The following DENND5B variants were observed in gnomAD, a reference collection of about 807,000 sequenced individuals.
DENND5B encodes the protein DENN domain containing 5B, also known as DENN domain-containing protein 5B.
A neutral mutation model predicts 140.6 loss-of-function variants in DENND5B; 34 were observed. That is an observed-to-expected ratio of 0.24 (90% CI 0.18 to 0.32). The LOEUF is 0.32. Among genes scored for constraint, DENND5B ranks in the 10% least tolerant of loss-of-function variants. The pLI, the probability that DENND5B is intolerant of heterozygous loss-of-function variation, is 1.00. For synonymous variants in DENND5B, 551 were observed against 562.1 expected (o/e 0.98, Z 0.28); for missense variants, 1,142 against 1,560.2 (o/e 0.73, Z 4.52).
intron 1 of DENND5B, among the ~76,000 whole-genome samples, chr12:31,498,933 A>AC (rs1946890691): frequency 7.2e-6 from 1 of 139,240 alleles, no homozygotes; most frequent in Admixed American, 8.4e-5. Flanking sequence ...AGATCACACC[A>AC]CCGCACTCTA....
intron 1 of DENND5B, among the ~76,000 whole-genome samples, chr12:31,565,327 G>C (rs942901686): frequency 1.3e-4 from 20 of 152,226 alleles, no homozygotes; most frequent in Non-Finnish European, 2.8e-4. Flanking sequence ...CCAGGAGGCA[G>C]AGGTTGCAGT....
At chr12:31,588,970 TCA>T (rs1950499263) in intron 1 of DENND5B, among the ~76,000 whole-genome samples, 1 of 150,154 alleles carries the variant, frequency 6.7e-6, no homozygotes, top group African/African-American at 2.5e-5. Flanking sequence ...AAAAGAGACA[TCA>T]TAGTTTGTTT....
In DENND5B at chr12:31,387,159, T is replaced by C. The variant is rs1940889356; in HGVS notation, c.*444A>G. ...ATCAGACTCCAAGATGGATGGCTAC[T>C]ACATAACAATGCATTCTGGGTTTCT... On this transcript the variant is annotated 3_prime_UTR_variant, in exon 21 of 21. Transcript: ENST00000389082. The C allele has an allele frequency of 6.4e-6, 1 of 155,230 alleles. No individual in the cohort carries two copies. The allele number at this position is 155,230 out of a possible 1,614,324, so 9.6% of individuals were successfully genotyped here.
At chr12:31,439,316 C>T (rs546370383) in intron 7 of DENND5B, among the ~76,000 whole-genome samples, 20 of 152,206 alleles carry the variant, frequency 1.3e-4, no homozygotes, top group Non-Finnish European at 2.8e-4. Flanking sequence ...ACTGAGGCTT[C>T]GTGTGGAAAT....
At chr12:31,515,679 T>C (rs1947608257) in intron 1 of DENND5B, among the ~76,000 whole-genome samples, 1 of 152,196 alleles carries the variant, frequency 6.6e-6, no homozygotes, top group Non-Finnish European at 1.5e-5. Context: ...TTATATACAA[T>C]TAATCAGTAG....
At chr12:31,516,831 T>A (rs969877200) in intron 1 of DENND5B, among the ~76,000 whole-genome samples, 1 of 152,148 alleles carries the variant, frequency 6.6e-6, no homozygotes, top group African/African-American at 2.4e-5. Context: ...CCCAGCACTT[T>A]GGGAGACTGA....
intron 6 of DENND5B, among the ~76,000 whole-genome samples, chr12:31,446,300 C>T (rs1048771998): frequency 3.3e-5 from 5 of 151,936 alleles, no homozygotes; most frequent in Non-Finnish European, 7.4e-5. Context: ...AGGCGCATGA[C>T]ACCACACCTG....
Position 31,387,774 on chromosome 12 carries a change from G to A in DENND5B, c.3654C>T (p.Leu1218=). ...CAGCTAACAATGGAATCCACTGTGG[G>A]AGCAGGCGATCCCTACAGACCCAAA... ...LVCLGTRDRL[L]PQWIPLLAEC... The change falls in exon 21 of 21, where the codon CTC becomes CTT. Residue 1218 remains leucine, a synonymous_variant. Coordinates refer to ENST00000389082, the MANE Select transcript of DENND5B (RefSeq NM_144973.4). 1.9e-6 allele frequency: 3 copies of A among 1,613,538 alleles called. No homozygotes were observed. The highest frequency in any genetic ancestry group is 2.5e-6 in the Non-Finnish European group (3 of 1,179,804).
intron 14 of DENND5B, among the ~76,000 whole-genome samples, chr12:31,403,156 A>C (rs1469371923): frequency 6.6e-6 from 1 of 152,220 alleles, no homozygotes; most frequent in East Asian, 1.9e-4. Flanking sequence ...CCAAGTTTAC[A>C]GAACAATATG....
At position 31,394,615 on chromosome 12, in the gene DENND5B, C is replaced by CTTT. The variant is rs33960412; in HGVS notation, c.3257-1922_3257-1920dup. ...TCATCCCCAAAAGTTACCCTGTGCTCTTTTTTTTTTTTTTTTGAGACGGAG... is the reference window on the plus strand; with the variant it reads ...TCATCCCCAAAAGTTACCCTGTGCTCTTTTTTTTTTTTTTTTTTTGAGACGGAG... On this transcript the variant is annotated intron_variant, in intron 17 of 20. Coordinates refer to ENST00000389082, the MANE Select transcript of DENND5B (RefSeq NM_144973.4). Among the ~76,000 whole-genome samples, 133 of 137,612 alleles carry CTTT rather than the reference C, an allele frequency of 9.7e-4. 13 individuals carry two copies. Among genetic ancestry groups the CTTT allele is most frequent in the Non-Finnish European group, 1.4e-3 (90 of 64,390 alleles). 90.3% of individuals were successfully genotyped at this position (137,612 alleles called of 152,430 possible).
In DENND5B at chr12:31,426,403, T is replaced by C; in HGVS notation, c.2128A>G (p.Ser710Gly). ...GGTTGCCTCAGGTTTTTTCCTAAAC[T>C]TCGTGCCTCTTGCATATATTTCTAA... ...LREKYMQEARSLGKNLRQPKL... is the reference protein window; with the variant it reads ...LREKYMQEARGLGKNLRQPKL... Residue 710 changes from serine to glycine, a missense_variant, in exon 9 of 21, where the codon AGT (serine) becomes GGT (glycine). Physicochemically the swap from Ser to Gly is moderately conservative, Grantham distance 56. Transcript: ENST00000389082. 1 of 1,612,114 alleles carries C rather than the reference T, an allele frequency of 6.2e-7. No individual in the cohort carries two copies. Among genetic ancestry groups the C allele is most frequent in the Non-Finnish European group, 8.5e-7 (1 of 1,178,950 alleles).
intron 2 of DENND5B, among the ~76,000 whole-genome samples, chr12:31,488,861 C>T (rs924967835): frequency 4.6e-5 from 7 of 152,100 alleles, no homozygotes; most frequent in African/African-American, 4.8e-5. Context: ...AATAAAACAA[C>T]TAAAAATTAG....
At chr12:31,464,040 G>A (rs1423226837) in intron 3 of DENND5B, among the ~76,000 whole-genome samples, 1 of 152,102 alleles carries the variant, frequency 6.6e-6, no homozygotes, top group African/African-American at 2.4e-5. Context: ...AGAAATAAAA[G>A]GCAGAGTTTT....
Position 31,433,147 on chromosome 12 carries a change from C to T in DENND5B, c.2106+8G>A. On this transcript the variant is annotated splice_region_variant and intron_variant, in intron 8 of 20. Coordinates refer to ENST00000389082, the MANE Select transcript of DENND5B (RefSeq NM_144973.4). The stretch of plus-strand genomic sequence containing the variant: ...CTGTGAGGCACCCCAGGAAGGTAGA[C>T]CACATACCTCCCTCAAGTCGTTGTC... 6.2e-7 allele frequency: 1 copy of T among 1,613,212 alleles called. No individual in the cohort carries two copies. Among genetic ancestry groups the T allele is most frequent in the Non-Finnish European group, 8.5e-7 (1 of 1,179,282 alleles).
At chr12:31,436,153 G>A (rs1415804388) in intron 7 of DENND5B, among the ~76,000 whole-genome samples, 1 of 150,464 alleles carries the variant, frequency 6.6e-6, no homozygotes, top group Non-Finnish European at 1.5e-5. Flanking sequence ...CACCCAGGCT[G>A]GAGTGCAGTG....
intron 1 of DENND5B, among the ~76,000 whole-genome samples, chr12:31,584,478 G>C (rs572208411): frequency 6.6e-6 from 1 of 152,116 alleles, no homozygotes; most frequent in Admixed American, 6.5e-5. Flanking sequence ...GTCTGTTTTC[G>C]TGTTGCTATA....
intron 1 of DENND5B, among the ~76,000 whole-genome samples, chr12:31,509,639 T>C (rs968272584): frequency 2.0e-5 from 3 of 151,600 alleles, no homozygotes; most frequent in Non-Finnish European, 2.9e-5. Context: ...CTGGAAAAAA[T>C]AGTGAACAAA....
intron 13 of DENND5B, among the ~76,000 whole-genome samples, chr12:31,412,442 T>A (rs1274889339): frequency 6.6e-6 from 1 of 152,160 alleles, no homozygotes; most frequent in Non-Finnish European, 1.5e-5. Context: ...AGAATAAAAT[T>A]GTTGCACCTC....
intron 3 of DENND5B, among the ~76,000 whole-genome samples, chr12:31,470,272 G>A (rs569278655): frequency 5.3e-5 from 8 of 151,906 alleles, no homozygotes; most frequent in African/African-American, 1.4e-4. Context: ...GCACCACCAC[G>A]CCTGGGTAAC....
Sources: allele counts gnomAD v4.1 joint callset (sites outside exome capture counted in the v4.1 genomes callset), GRCh38; gene constraint gnomAD v4.1.1; transcripts MANE v1.5; gene names NCBI Gene and HGNC (gene_info 2026-07-23, HGNC 2026-07-21).